Variants in AUTS2 observed in about 807,000 individuals in gnomAD.
AUTS2 encodes the protein autism susceptibility gene 2 protein.
A neutral mutation model predicts 112.4 loss-of-function variants in AUTS2; 17 were observed. That is an observed-to-expected ratio of 0.15 (90% CI 0.10 to 0.23). AUTS2 has a LOEUF of 0.23. AUTS2 is among the 10% of genes least tolerant of loss of function. The pLI is 1.00. For missense variants in AUTS2, 1,510 were observed against 1,701.6 expected (o/e 0.89, Z 1.98); for synonymous variants, 751 against 702.7 (o/e 1.07, Z -1.09).
At chr7:70,634,284 G>A (rs956679509) in intron 5 of AUTS2, among the ~76,000 whole-genome samples, 5 of 152,210 alleles carry the variant, frequency 3.3e-5, no homozygotes, top group Admixed American at 2.6e-4. Flanking sequence ...GACTTAAAGG[G>A]AACAGGAGGC....
In AUTS2 at chr7:69,825,712, C is replaced by T. The variant is rs1791211584; in HGVS notation, c.310-73574C>T. The T allele has an allele frequency of 2.0e-5, 3 of 152,068 alleles. No homozygotes were observed. The South Asian group carries it at 6.2e-4, about 32-fold the overall frequency. The allele number at this position is 152,068 out of a possible 1,614,324, so 9.4% of individuals were successfully genotyped here. A position where few individuals can be genotyped will look rare whatever the true frequency, so the allele number is the denominator to read the frequency against. On this transcript the variant is annotated intron_variant, in intron 1 of 18. Coordinates refer to ENST00000342771, the MANE Select transcript of AUTS2 (RefSeq NM_015570.4). ...GATGTACTAGCCTTTTTACTTAATC[C>T]CTGAGCCTTTCTCCTTCAGTGGTCC...
chr7:70,558,126 A>G (rs946162724), intron 5 of AUTS2, among the ~76,000 whole-genome samples: 1 of 152,128 alleles, frequency 6.6e-6, no homozygotes, highest in East Asian at 1.9e-4. Flanking sequence ...TCACTGTATC[A>G]GAAGTTGGAG....
intron 2 of AUTS2, among the ~76,000 whole-genome samples, chr7:69,915,959 T>G (rs888804434): frequency 2.6e-5 from 4 of 152,196 alleles, no homozygotes; most frequent in Admixed American, 2.6e-4. Flanking sequence ...GCTCAAGCAA[T>G]TCTCTTGCCT....
In AUTS2 at chr7:69,899,400, C is replaced by T; in HGVS notation, c.424C>T (p.Leu142Phe). 6.2e-7 allele frequency: 1 copy of T among 1,614,026 alleles called. No individual in the cohort carries two copies. The highest frequency in any genetic ancestry group is 1.1e-5 in the South Asian group (1 of 91,074). The change falls in exon 2 of 19, where the codon CTC (leucine) becomes TTC (phenylalanine). Residue 142 changes from leucine (L) to phenylalanine (F), a missense_variant. Physicochemically the swap from Leu to Phe is conservative, Grantham distance 22. Transcript: ENST00000342771. ...GTCCTTTCATTCAAAGAAGAGCAGACTCAGCCACCCACACCACTACAGCTC... is the reference window on the plus strand; with the variant it reads ...GTCCTTTCATTCAAAGAAGAGCAGATTCAGCCACCCACACCACTACAGCTC... ...GLSFHSKKSRLSHPHHYSSDR... is the reference protein window; with the variant it reads ...GLSFHSKKSRFSHPHHYSSDR...
At chr7:70,447,901 T>C (rs1366593836) in intron 5 of AUTS2, among the ~76,000 whole-genome samples, 1 of 152,232 alleles carries the variant, frequency 6.6e-6, no homozygotes, top group Non-Finnish European at 1.5e-5. Context: ...TTTATTTTGA[T>C]AGGTTAAGAC....
At chr7:69,714,915 A>G (rs1798528290) in intron 1 of AUTS2, among the ~76,000 whole-genome samples, 1 of 151,880 alleles carries the variant, frequency 6.6e-6, no homozygotes, top group Admixed American at 6.6e-5. Flanking sequence ...TTATATATAT[A>G]TATATTATGT....
At chr7:70,000,032 A>G (rs1357209998) in intron 2 of AUTS2, among the ~76,000 whole-genome samples, 1 of 152,216 alleles carries the variant, frequency 6.6e-6, no homozygotes, top group Admixed American at 6.5e-5. Flanking sequence ...ATTCGACTGG[A>G]TGCAGTTTTC....
chr7:70,310,158 T>A (rs1355266482), intron 4 of AUTS2, among the ~76,000 whole-genome samples: 1 of 151,980 alleles, frequency 6.6e-6, no homozygotes, highest in Non-Finnish European at 1.5e-5. Context: ...TGGCCCAGAT[T>A]TTCACGTTTA....
chr7:69,914,736 T>C (rs1387040560), intron 2 of AUTS2, among the ~76,000 whole-genome samples: 1 of 151,816 alleles, frequency 6.6e-6, no homozygotes, highest in African/African-American at 2.4e-5. Context: ...TGAAATTCAC[T>C]GAGTACTCTT....
At chr7:69,661,290 T>C (rs960048841) in intron 1 of AUTS2, among the ~76,000 whole-genome samples, 4 of 152,198 alleles carry the variant, frequency 2.6e-5, no homozygotes, top group Non-Finnish European at 4.4e-5. Flanking sequence ...GAAAAGTTAA[T>C]TGGATCAAGT....
intron 4 of AUTS2, among the ~76,000 whole-genome samples, chr7:70,376,544 C>T (rs1440208157): frequency 1.3e-5 from 2 of 151,810 alleles, no homozygotes; most frequent in African/African-American, 4.8e-5. Flanking sequence ...GTTAGGTCAG[C>T]AAGATTTCCC....
At chr7:70,150,448 C>T (rs2129576180) in intron 4 of AUTS2, among the ~76,000 whole-genome samples, 1 of 152,230 alleles carries the variant, frequency 6.6e-6, no homozygotes, top group Non-Finnish European at 1.5e-5. Context: ...TTTCACTAGT[C>T]CAAATTGCAA....
chr7:70,341,898 T>C (rs549461398), intron 4 of AUTS2, among the ~76,000 whole-genome samples: 2 of 152,350 alleles, frequency 1.3e-5, no homozygotes, highest in African/African-American at 4.8e-5. Context: ...TTGGCAGTTA[T>C]CACTTCAACT....
intron 4 of AUTS2, among the ~76,000 whole-genome samples, chr7:70,421,277 C>A (rs1795209704): frequency 7.2e-6 from 1 of 137,980 alleles, no homozygotes; most frequent in Admixed American, 7.6e-5. Context: ...TTCTCTCATC[C>A]CCCCCAACCC....
chr7:70,374,549 G>A (rs1221155935), intron 4 of AUTS2, among the ~76,000 whole-genome samples: 1 of 152,168 alleles, frequency 6.6e-6, no homozygotes, highest in East Asian at 1.9e-4. Context: ...AGTTTGATAT[G>A]TAGTCAAAGG....
chr7:69,601,771 A>G (rs1271876668), intron 1 of AUTS2, among the ~76,000 whole-genome samples: 1 of 152,168 alleles, frequency 6.6e-6, no homozygotes, highest in Non-Finnish European at 1.5e-5. Context: ...GTTACCATAC[A>G]GTGTGACCTC....
intron 1 of AUTS2, among the ~76,000 whole-genome samples, chr7:69,832,504 C>T (rs1238634620): frequency 1.3e-5 from 2 of 152,284 alleles, no homozygotes; most frequent in African/African-American, 2.4e-5. Flanking sequence ...GTAAGCATTA[C>T]AGACTCCCCT....
At chr7:69,732,903 C>T (rs1786861076) in intron 1 of AUTS2, among the ~76,000 whole-genome samples, 1 of 152,142 alleles carries the variant, frequency 6.6e-6, no homozygotes, top group Non-Finnish European at 1.5e-5. Flanking sequence ...TATTGTTTCT[C>T]ATAGGAGAGT....
At chr7:69,931,748 A>C (rs1359696566) in intron 2 of AUTS2, among the ~76,000 whole-genome samples, 2 of 152,134 alleles carry the variant, frequency 1.3e-5, no homozygotes, top group African/African-American at 4.8e-5. Context: ...ATACTGTTTT[A>C]GAAGGAAAAG....
Sources: gnomAD v4.1 joint callset for allele counts (sites outside exome capture counted in the v4.1 genomes callset) on GRCh38, gnomAD v4.1.1 for gene constraint, MANE v1.5 for transcripts, NCBI Gene and HGNC (gene_info 2026-07-23, HGNC 2026-07-21) for gene names.